The following SLC40A1 variants were observed in gnomAD, a reference collection of about 807,000 sequenced individuals.
SLC40A1 encodes ferroportin.
Under a neutral mutation model 53.5 loss-of-function variants are expected in SLC40A1, and 16 were observed. The observed-to-expected ratio is 0.30, with a 90% CI of 0.20 to 0.45. The LOEUF (loss-of-function observed/expected upper bound fraction) is 0.45. Ranked by LOEUF, SLC40A1 falls within the 20% of genes least tolerant of loss-of-function variation. SLC40A1 has a pLI of 1.00. For synonymous variants in SLC40A1, 247 were observed against 253.2 expected (o/e 0.98, Z 0.23); for missense variants, 545 against 695.4 (o/e 0.78, Z 2.43).
At position 189,563,730 on chromosome 2, in the gene SLC40A1, G is replaced by A. The variant is rs200360961; in HGVS notation, c.1256C>T (p.Thr419Ile). 3.3e-5 allele frequency: 53 copies of A among 1,614,170 alleles called. No homozygotes were observed. In the East Asian group the frequency reaches 6.0e-4, roughly 18 times the overall value. Reference protein sequence around the residue: ...RSRFIQGESITPTKIPEITTE... With the variant: ...RSRFIQGESIIPTKIPEITTE... ...TGTAATTTCAGGTATCTTGGTAGGT[G>A]TAATTGACTCTCCTTGAATGAACCT... Residue 419 changes from threonine (T) to isoleucine (I), a missense_variant, in exon 7 of 8, where the codon ACA (threonine) becomes ATA (isoleucine). Physicochemically the swap from Thr to Ile is moderately conservative, Grantham distance 89. Coordinates refer to ENST00000261024, the MANE Select transcript of SLC40A1 (RefSeq NM_014585.6).
At chr2:189,578,389 G>C (rs1013498217) in intron 2 of SLC40A1, 1 of 1,001,852 alleles carries the variant, frequency 1.0e-6, no homozygotes, top group African/African-American at 1.7e-5. Flanking sequence ...CACCTTTCTT[G>C]TGGGACTTTT....
chr2:189,577,263 A>G (rs12986916), intron 2 of SLC40A1, among the ~76,000 whole-genome samples: 27,172 of 152,184 alleles, frequency 0.18, 3,038 homozygotes, highest in Non-Finnish European at 0.25. Context: ...GACATTTGCA[A>G]GCACTAGAGC....
chr2:189,575,297 C>G lies in SLC40A1; in HGVS notation c.135G>C (p.Ala45=). The G allele has an allele frequency of 2.5e-6, 4 of 1,614,072 alleles. No homozygotes were observed. The highest frequency in any genetic ancestry group is 3.4e-6 in the Non-Finnish European group (4 of 1,179,960). Residue 45 remains alanine, a synonymous_variant, in exon 3 of 8, where the codon GCG becomes GCC. Coordinates refer to ENST00000261024, the MANE Select transcript of SLC40A1 (RefSeq NM_014585.6). ...STWGDRMWHF[A]VSVFLVELYG... is the part of the protein sequence containing the mutation. The stretch of plus-strand genomic sequence containing the variant: ...AGAGCTCTACCAGAAACACAGACAC[C>G]GCAAAGTGCCACATCCGATCTCCCT...
intron 2 of SLC40A1, chr2:189,578,126 A>G (rs1411239629): frequency 1.3e-6 from 1 of 767,492 alleles, no homozygotes; most frequent in Non-Finnish European, 1.6e-6. Context: ...TAATACATAT[A>G]CACACACACA....
Position 189,580,562 on chromosome 2 carries a change from T to C in SLC40A1, c.-102A>G, listed in dbSNP as rs1336783349. ...AGTGCAAGGAACTGGAGATAGCACC[T>C]CTAAAAACACAACAGCCTTGGGCAA... is the stretch of plus-strand genomic sequence containing the variant. On this transcript the variant is annotated 5_prime_UTR_variant, in exon 1 of 8. Coordinates refer to ENST00000261024, the MANE Select transcript of SLC40A1 (RefSeq NM_014585.6). 3 of 1,600,026 alleles carry C rather than the reference T, an allele frequency of 1.9e-6. No individual in the cohort carries two copies. Among genetic ancestry groups the C allele is most frequent in the Non-Finnish European group, 2.5e-6 (3 of 1,177,712 alleles).
chr2:189,562,580 C>G (rs1222196199), intron 7 of SLC40A1, among the ~76,000 whole-genome samples: 1 of 152,098 alleles, frequency 6.6e-6, no homozygotes, highest in Non-Finnish European at 1.5e-5. Context: ...TGTAAGGAAA[C>G]TTTAAACCAT....
At chr2:189,570,549 C>T (rs2105626911) in intron 5 of SLC40A1, among the ~76,000 whole-genome samples, 1 of 152,290 alleles carries the variant, frequency 6.6e-6, no homozygotes, top group Middle Eastern at 3.4e-3. Context: ...ATGATTTTAG[C>T]TCCAGAGAGA....
In SLC40A1 at chr2:189,561,456, CTA is replaced by C. The variant is rs761349130; in HGVS notation, c.*420_*421del. Reference sequence around the variant, plus strand: ...TTGAAGAATTTGTTTTTAAAAATAACTAAGATGCAAAAAAATAAATTAGCTAG... The same window carrying C: ...TTGAAGAATTTGTTTTTAAAAATAACAGATGCAAAAAAATAAATTAGCTAG... On this transcript the variant is annotated 3_prime_UTR_variant, in exon 8 of 8. Coordinates refer to ENST00000261024, the MANE Select transcript of SLC40A1 (RefSeq NM_014585.6). 218 of 163,864 alleles carry C rather than the reference CTA, an allele frequency of 1.3e-3. 1 individual carries two copies. Among genetic ancestry groups the C allele is most frequent in the Middle Eastern group, 3.0e-3 (1 of 328 alleles). 10.2% of individuals were successfully genotyped at this position (163,864 alleles called of 1,614,324 possible).
Position 189,561,604 on chromosome 2 carries a change from A to C in SLC40A1, c.*274T>G. 4.9e-6 allele frequency: 2 copies of C among 406,130 alleles called. No homozygotes were observed. The highest frequency in any genetic ancestry group is 2.0e-5 in the African/African-American group (1 of 49,466). The allele number at this position is 406,130 out of a possible 1,614,324, so 25.2% of individuals were successfully genotyped here. Reference sequence around the variant, plus strand: ...CACTCTTTTACGTAAGATTGTATCTACTCATGAGAAATAGGGGAATTCAGT... The same window carrying C: ...CACTCTTTTACGTAAGATTGTATCTCCTCATGAGAAATAGGGGAATTCAGT... On this transcript the variant is annotated 3_prime_UTR_variant, in exon 8 of 8. Coordinates refer to ENST00000261024, the MANE Select transcript of SLC40A1 (RefSeq NM_014585.6).
intron 5 of SLC40A1, among the ~76,000 whole-genome samples, chr2:189,568,594 T>C (rs1417301474): frequency 6.6e-6 from 1 of 152,240 alleles, no homozygotes; most frequent in Non-Finnish European, 1.5e-5. Flanking sequence ...TAGTCTTACA[T>C]AAGCACACAA....
chr2:189,579,892 C>T lies in SLC40A1; in HGVS notation c.44-12G>A, dbSNP rs773695677. On this transcript the variant is annotated splice_polypyrimidine_tract_variant and intron_variant, in intron 1 of 7. Transcript: ENST00000261024. ...GTCGGCCAAGGATCCTGCAAAGACACAGGCGGGGTGACAAAAAGCGATGGT... is the reference window on the plus strand; with the variant it reads ...GTCGGCCAAGGATCCTGCAAAGACATAGGCGGGGTGACAAAAAGCGATGGT... 6.2e-7 allele frequency: 1 copy of T among 1,614,048 alleles called. No homozygotes were observed. The highest frequency in any genetic ancestry group is 1.1e-5 in the South Asian group (1 of 91,082).
At chr2:189,565,237 C>A (rs900010172) in intron 6 of SLC40A1, 117 bp downstream of exon 6, 16 of 1,294,062 alleles carry the variant, frequency 1.2e-5, no homozygotes, top group Non-Finnish European at 1.8e-5. Flanking sequence ...TATATTTAAC[C>A]TCATCTGGCC....
At chr2:189,567,661 T>C (rs2030978637) in intron 5 of SLC40A1, among the ~76,000 whole-genome samples, 1 of 152,244 alleles carries the variant, frequency 6.6e-6, no homozygotes, top group Non-Finnish European at 1.5e-5. Flanking sequence ...AAGAAGTACA[T>C]TAACAGAAGA....
intron 5 of SLC40A1, among the ~76,000 whole-genome samples, chr2:189,566,327 G>C (rs749376901): frequency 2.4e-4 from 37 of 152,100 alleles, no homozygotes; most frequent in Non-Finnish European, 4.6e-4. Flanking sequence ...CAACCCCAGG[G>C]GACACCATTT....
rs61525883 is a variant in SLC40A1, at chr2:189,561,589, C to A, written c.*289G>T. On this transcript the variant is annotated 3_prime_UTR_variant, in exon 8 of 8. Transcript: ENST00000261024. ...ATTCACGTGACTAACCACTCTTTTA[C>A]GTAAGATTGTATCTACTCATGAGAA... 2,587 of 360,572 alleles carry A rather than the reference C, an allele frequency of 7.2e-3. 71 individuals carry two copies. Among genetic ancestry groups the A allele is most frequent in the African/African-American group, 0.05 (2,423 of 48,094 alleles). The allele number at this position is 360,572 out of a possible 1,614,324, so 22.3% of individuals were successfully genotyped here.
chr2:189,577,893 G>GAGCC (rs2105634726), intron 2 of SLC40A1, among the ~76,000 whole-genome samples: 1 of 152,120 alleles, frequency 6.6e-6, no homozygotes, highest in East Asian at 1.9e-4. Flanking sequence ...TTACAGGCAT[G>GAGCC]AGCCACTGCA....
chr2:189,572,081 A>G (rs1487522989), intron 4 of SLC40A1, among the ~76,000 whole-genome samples: 2 of 152,220 alleles, frequency 1.3e-5, no homozygotes, highest in Non-Finnish European at 2.9e-5. Context: ...TACAAAAATT[A>G]TAATAGTCAG....
chr2:189,565,687 G>C, intron 5 of SLC40A1, 88 bp from the exon 6 acceptor site: 1 of 1,539,466 alleles, frequency 6.5e-7, no homozygotes, highest in Non-Finnish European at 9.0e-7. Flanking sequence ...TGTAAACCAA[G>C]AGTATAGATT....
Position 189,580,517 on chromosome 2 carries a change from C to G in SLC40A1, c.-57G>C, listed in dbSNP as rs752874163. ...GCTGCTATCGCTGCTGCTGCTCTCGCTGAGGTGCTTGTTAACAGGAGTGCA... is the reference window on the plus strand; with the variant it reads ...GCTGCTATCGCTGCTGCTGCTCTCGGTGAGGTGCTTGTTAACAGGAGTGCA... On this transcript the variant is annotated 5_prime_UTR_variant, in exon 1 of 8. Transcript: ENST00000261024. 2 of 1,610,910 alleles carry G rather than the reference C, an allele frequency of 1.2e-6. No homozygotes were observed. Among genetic ancestry groups the G allele is most frequent in the Non-Finnish European group, 1.7e-6 (2 of 1,179,966 alleles).
Sources: allele counts gnomAD v4.1 joint callset (sites outside exome capture counted in the v4.1 genomes callset), GRCh38; gene constraint gnomAD v4.1.1; transcripts MANE v1.5; gene names NCBI Gene and HGNC (gene_info 2026-07-23, HGNC 2026-07-21).